The following KIFC3 variants were observed in gnomAD, a reference collection of about 807,000 sequenced individuals.
KIFC3 encodes kinesin-like protein KIFC3.
KIFC3 carries 60 observed loss-of-function variants against 101.8 expected under a neutral mutation model. That is an observed-to-expected ratio of 0.59 (90% confidence interval 0.48 to 0.73). KIFC3 has a LOEUF of 0.73. Ranked by LOEUF, KIFC3 falls within the 30% of genes least tolerant of loss-of-function variation. The pLI is 0.00. For synonymous variants in KIFC3, 476 were observed against 482.7 expected, an observed-to-expected ratio of 0.99 and a Z score of 0.18; for missense variants, 966 against 1,137.1, an observed-to-expected ratio of 0.85 and a Z score of 2.16.
At chr16:57,794,401 CTT>C (rs2054133444) in intron 3 of KIFC3, among the ~76,000 whole-genome samples, 1 of 151,178 alleles carries the variant, frequency 6.6e-6, no homozygotes, top group Admixed American at 6.6e-5. Context: ...TTTTATTTTT[CTT>C]TTTGTAGAGA....
Position 57,816,357 on chromosome 16 carries a change from C to T in KIFC3, c.109-18075G>A, listed in dbSNP as rs113538871. 184 of 901,652 alleles carry T rather than the reference C, an allele frequency of 2.0e-4. 2 individuals carry two copies. In the African/African-American group the frequency reaches 2.7e-3, roughly 13 times the overall value. The allele number at this position is 901,652 out of a possible 1,614,324, so 55.9% of individuals were successfully genotyped here. On this transcript the variant is annotated intron_variant, in intron 1 of 2. Coordinates refer to the KIFC3 transcript ENST00000563028. Reference sequence around the variant, plus strand: ...TTCAGGATCCTGGGGCCTGCCCCTCCTGGCTTCCTCTTGAGGAAGGCCTCA... The same window carrying T: ...TTCAGGATCCTGGGGCCTGCCCCTCTTGGCTTCCTCTTGAGGAAGGCCTCA...
chr16:57,772,063 G>C (rs745968831), intron 4 of KIFC3, among the ~76,000 whole-genome samples, 160 bp downstream of exon 4: 9 of 152,144 alleles, frequency 5.9e-5, no homozygotes, highest in Non-Finnish European at 1.2e-4. Flanking sequence ...AGGCCTCTGA[G>C]GGTACTAGGA....
chr16:57,786,547 G>T (rs569478884), intron 3 of KIFC3, among the ~76,000 whole-genome samples: 1 of 152,148 alleles, frequency 6.6e-6, no homozygotes, highest in South Asian at 2.1e-4. Context: ...AGGGATGGGG[G>T]GTTTGCCTCC....
At chr16:57,833,333 G>A (rs2055621878) in intron 1 of KIFC3, among the ~76,000 whole-genome samples, 1 of 152,080 alleles carries the variant, frequency 6.6e-6, no homozygotes. Context: ...AGGGAAGCTT[G>A]GGGGCCTTCA....
At chr16:57,815,630 C>T (rs781105236) in intron 1 of KIFC3, 52 of 1,289,828 alleles carry the variant, frequency 4.0e-5, no homozygotes, top group Non-Finnish European at 4.9e-5. Context: ...ATGTTGGAAA[C>T]GGAGGCTCCA....
chr16:57,791,933 C>T (rs2053903589), intron 3 of KIFC3, among the ~76,000 whole-genome samples: 1 of 152,176 alleles, frequency 6.6e-6, no homozygotes, highest in South Asian at 2.1e-4. Context: ...GAACAAGAAA[C>T]ACCTCGAAAC....
intron 10 of KIFC3, among the ~76,000 whole-genome samples, chr16:57,766,534 C>T (rs782735828): frequency 2.0e-5 from 3 of 152,160 alleles, no homozygotes; most frequent in Non-Finnish European, 4.4e-5. Flanking sequence ...GAGTCTCAAG[C>T]TTGACCAGGC....
At chr16:57,759,590 A>C in intron 18 of KIFC3, 138 bp downstream of exon 18, 1 of 638,554 alleles carries the variant, frequency 1.6e-6, no homozygotes, top group Non-Finnish European at 2.7e-6. Flanking sequence ...GGGGCAGGGG[A>C]GGTTGTAAAA....
At chr16:57,791,428 T>C (rs892128304) in intron 3 of KIFC3, among the ~76,000 whole-genome samples, 1 of 151,438 alleles carries the variant, frequency 6.6e-6, no homozygotes, top group Non-Finnish European at 1.5e-5. Flanking sequence ...CCCTGGGGGG[T>C]TGGGAATTTC....
At chr16:57,853,474 TAAGA>T (rs2056099483) in intron 1 of KIFC3, among the ~76,000 whole-genome samples, 1 of 151,698 alleles carries the variant, frequency 6.6e-6, no homozygotes. Flanking sequence ...TAAGAGAGGA[TAAGA>T]AAGGGCAAAC....
Position 57,809,692 on chromosome 16 carries a change from A to AT in KIFC3, c.109-11411dup, listed in dbSNP as rs560381024. Among the ~76,000 whole-genome samples, 6 of 150,946 alleles carry AT rather than the reference A, an allele frequency of 4.0e-5. No individual in the cohort carries two copies. The East Asian group carries it at 5.8e-4, about 15-fold the overall frequency. On this transcript the variant is annotated intron_variant, in intron 1 of 2. Transcript: ENST00000563028. ...ATCTTTCTGAATAAAGAGTCTGAGC[A>AT]TTTTTTTTTCACTTTCTAAACATGT...
At chr16:57,837,715 TC>T (rs1339029287) in intron 1 of KIFC3, among the ~76,000 whole-genome samples, 1 of 152,104 alleles carries the variant, frequency 6.6e-6, no homozygotes, top group Non-Finnish European at 1.5e-5. Flanking sequence ...TGTGTCTGTT[TC>T]CCCCATTAGT....
At chr16:57,799,812 CTG>C (rs1239798022) in intron 1 of KIFC3, among the ~76,000 whole-genome samples, 3 of 152,148 alleles carry the variant, frequency 2.0e-5, no homozygotes, top group Non-Finnish European at 4.4e-5. Flanking sequence ...TCAGAAGTGA[CTG>C]AAGTGTAAGT....
At chr16:57,793,308 T>C (rs1326647721) in intron 3 of KIFC3, among the ~76,000 whole-genome samples, 3 of 134,900 alleles carry the variant, frequency 2.2e-5, no homozygotes, top group Admixed American at 7.5e-5. Context: ...ATCATATAAA[T>C]ATGGCTGGGT....
chr16:57,760,465 A>G (rs2148831338), intron 16 of KIFC3, 49 bp from the exon 17 acceptor site: 1 of 1,594,538 alleles, frequency 6.3e-7, no homozygotes, highest in South Asian at 1.1e-5. Flanking sequence ...TGGAGGGGCA[A>G]CAGGGTCACG....
rs74019706 is a variant in KIFC3 at position 57,843,297 on chromosome 16, A to G, written c.108+19432T>C. 7.8e-3 allele frequency among the ~76,000 whole-genome samples: 1,191 copies of G among 152,328 alleles called. 12 individuals are homozygous for G. The highest frequency in any genetic ancestry group is 0.028 in the African/African-American group (1,145 of 41,572). On this transcript the variant is annotated intron_variant, in intron 1 of 2. Coordinates refer to the KIFC3 transcript ENST00000563028. ...TGAACCACTTGACAGAGATTCAACC[A>G]TGAGACAGTCAGAATATGAACACTG... is the stretch of plus-strand genomic sequence containing the variant.
At chr16:57,760,045 C>G in intron 17 of KIFC3, 1 of 614,642 alleles carries the variant, frequency 1.6e-6, no homozygotes, top group Non-Finnish European at 2.8e-6. Context: ...CACTGAGCAT[C>G]TACTATGTGC....
upstream of KIFC3, among the ~76,000 whole-genome samples, chr16:57,803,946 A>G (rs1246225702): frequency 6.6e-6 from 1 of 152,152 alleles, no homozygotes; most frequent in Non-Finnish European, 1.5e-5. Flanking sequence ...ATTCTGATTT[A>G]GTATCTATCT....
intron 1 of KIFC3, among the ~76,000 whole-genome samples, chr16:57,825,835 C>T (rs574195537): frequency 4.6e-5 from 7 of 152,092 alleles, no homozygotes; most frequent in Non-Finnish European, 8.8e-5. Flanking sequence ...GTGTGCACCA[C>T]CATGACTGGC....
Sources: allele counts gnomAD v4.1 joint callset (sites outside exome capture counted in the v4.1 genomes callset), GRCh38; gene constraint gnomAD v4.1.1; transcripts MANE v1.5; gene names NCBI Gene and HGNC (gene_info 2026-07-23, HGNC 2026-07-21).